The following ST3GAL4 variants were observed in gnomAD, a reference collection of about 807,000 sequenced individuals.
ST3GAL4 encodes CMP-N-acetylneuraminate-beta-galactosamide-alpha-2,3-sialyltransferase 4.
ST3GAL4 carries 24 observed loss-of-function variants against 42.6 expected under a neutral mutation model. That is an observed-to-expected ratio of 0.56 (90% CI 0.41 to 0.79). The LOEUF (loss-of-function observed/expected upper bound fraction) is 0.79. Among genes scored for constraint, ST3GAL4 ranks in the 30% least tolerant of loss-of-function variants. The pLI, the probability that ST3GAL4 is intolerant of heterozygous loss-of-function variation, is 0.00. For synonymous variants in ST3GAL4, 135 were observed against 163.2 expected, an observed-to-expected ratio of 0.83 and a Z score of 1.32; for missense variants, 311 against 430.8, an observed-to-expected ratio of 0.72 and a Z score of 2.46.
At position 126,392,862 on chromosome 11, in the gene ST3GAL4, G is replaced by A. The variant is rs940480814; in HGVS notation, c.-60-13234G>A. Among the ~76,000 whole-genome samples the A allele has an allele frequency of 6.6e-5, 10 of 152,240 alleles. No homozygotes were observed. Among genetic ancestry groups the A allele is most frequent in the African/African-American group, 2.4e-4 (10 of 41,530 alleles). On this transcript the variant is annotated intron_variant, in intron 1 of 10. Transcript: ENST00000444328. The surrounding 1 kb of genome is among the most constrained non-coding windows in gnomAD (Gnocchi z 5.8). ...CTGAACCCCATGCAGGGAGGAAACT[G>A]TGGCTGGGAGGAGAGGAGGCCGGAA...
chr11:126,390,666 T>C (rs1319488451), intron 1 of ST3GAL4, among the ~76,000 whole-genome samples: 1 of 151,006 alleles, frequency 6.6e-6, no homozygotes, highest in Non-Finnish European at 1.5e-5. Context: ...GTGGTTGTTA[T>C]GGTAAAATGC....
chr11:126,375,963 C>A (rs145976462), intron 1 of ST3GAL4, among the ~76,000 whole-genome samples: 5 of 142,666 alleles, frequency 3.5e-5, no homozygotes, highest in South Asian at 2.2e-4. Flanking sequence ...GTTGTTAATT[C>A]GCCATGCAAT....
rs565410017 is a variant in ST3GAL4, at chr11:126,359,297, TAA to T, written c.-61+3468_-61+3469del. Among the ~76,000 whole-genome samples, 3 of 141,274 alleles carry T rather than the reference TAA, an allele frequency of 2.1e-5. No homozygotes were observed. The highest frequency in any genetic ancestry group is 7.0e-5 in the Admixed American group (1 of 14,206). 92.7% of individuals were successfully genotyped at this position (141,274 alleles called of 152,430 possible). A position where few individuals can be genotyped will look rare whatever the true frequency, so the allele number is the denominator to read the frequency against. ...TATTAAAAGCCTGGCCCAATAAACT[TAA>T]AAAAAAAAAAAAGATGTGCTAGACA... On this transcript the variant is annotated intron_variant, in intron 1 of 10. Coordinates refer to ENST00000444328, the MANE Select transcript of ST3GAL4 (RefSeq NM_001254757.2). The surrounding 1 kb of genome is among the most constrained non-coding windows in gnomAD (Gnocchi z 4.8).
In ST3GAL4 at chr11:126,379,927, A is replaced by G. The variant is rs117622956; in HGVS notation, c.-61+24085A>G. Reference sequence around the variant, plus strand: ...ACTGAAACTGGTGTAGTGTCTTTCAATGGGGCTCAAGGGCAGTTGTTCTCT... The same window carrying G: ...ACTGAAACTGGTGTAGTGTCTTTCAGTGGGGCTCAAGGGCAGTTGTTCTCT... On this transcript the variant is annotated intron_variant, in intron 1 of 10. Coordinates refer to ENST00000444328, the MANE Select transcript of ST3GAL4 (RefSeq NM_001254757.2). This position sits in a 1 kb window ranked among gnomAD's most constrained non-coding sequence, Gnocchi z 4.2. Among the ~76,000 whole-genome samples, 3,611 of 152,208 alleles carry G rather than the reference A, an allele frequency of 0.024. 65 individuals are homozygous for G. The highest frequency in any genetic ancestry group is 0.037 in the Non-Finnish European group (2,529 of 68,012).
rs1953885631 is a variant in ST3GAL4 at position 126,398,850 on chromosome 11, C to T, written c.-60-7246C>T. On this transcript the variant is annotated intron_variant, in intron 1 of 10. Transcript: ENST00000444328. The surrounding 1 kb of genome is among the most constrained non-coding windows in gnomAD (Gnocchi z 4.7). ...CAAGCTGCACCTGGGCCCATTTAAGCCATGGCTGGGGAGGCAGAGGAGCAC... is the reference window on the plus strand; with the variant it reads ...CAAGCTGCACCTGGGCCCATTTAAGTCATGGCTGGGGAGGCAGAGGAGCAC... Among the ~76,000 whole-genome samples, 1 of 152,152 alleles carries T rather than the reference C, an allele frequency of 6.6e-6. No individual in the cohort carries two copies. Among genetic ancestry groups the T allele is most frequent in the Non-Finnish European group, 1.5e-5 (1 of 68,038 alleles).
At position 126,406,030 on chromosome 11, in the gene ST3GAL4, C is replaced by T. The variant is rs115057909; in HGVS notation, c.-60-66C>T. ...GGGAGGGGCAGACAGTGGGTGTGTC[C>T]TGCTCCAGTGTCTAGGCAGGAGAGT... On this transcript the variant is annotated intron_variant, in intron 1 of 10. Coordinates refer to ENST00000444328, the MANE Select transcript of ST3GAL4 (RefSeq NM_001254757.2). The surrounding 1 kb of genome is among the most constrained non-coding windows in gnomAD (Gnocchi z 5.4). 1.7e-3 allele frequency: 2,602 copies of T among 1,535,884 alleles called. 39 individuals carry two copies. The African/African-American group carries it at 0.032, about 19-fold the overall frequency.
intron 1 of ST3GAL4, among the ~76,000 whole-genome samples, chr11:126,357,791 T>C (rs1952118835): frequency 6.6e-6 from 1 of 152,234 alleles, no homozygotes; most frequent in Non-Finnish European, 1.5e-5. Flanking sequence ...ACCCCAGGTC[T>C]GACTTGGGCA....
chr11:126,407,131 G>A, intron 4 of ST3GAL4, 108 bp downstream of exon 4: 2 of 1,465,990 alleles, frequency 1.4e-6, no homozygotes, highest in Non-Finnish European at 1.9e-6. Context: ...TGGTGGACAT[G>A]GGTTAGGTGA....
intron 1 of ST3GAL4, among the ~76,000 whole-genome samples, chr11:126,377,724 T>C (rs944944776): frequency 6.7e-6 from 1 of 149,716 alleles, no homozygotes; most frequent in East Asian, 2.0e-4. Flanking sequence ...GATCCACCTC[T>C]CTCAGCCTCC....
intron 1 of ST3GAL4, among the ~76,000 whole-genome samples, chr11:126,380,721 C>T (rs139025240): frequency 5.9e-5 from 9 of 152,168 alleles, no homozygotes; most frequent in Non-Finnish European, 1.2e-4. Context: ...CACTAGAGAC[C>T]TCCTCGGCAG....
chr11:126,398,170 T>C lies in ST3GAL4; in HGVS notation c.-60-7926T>C, dbSNP rs983276506. On this transcript the variant is annotated intron_variant, in intron 1 of 10. Coordinates refer to ENST00000444328, the MANE Select transcript of ST3GAL4 (RefSeq NM_001254757.2). The surrounding 1 kb of genome is among the most constrained non-coding windows in gnomAD (Gnocchi z 4.7). ...AAGGTATGGTTCATCCTGAATCAAA[T>C]TCCCCTCCAGTCATGGGCTGTGAAA... Among the ~76,000 whole-genome samples, 5 of 152,232 alleles carry C rather than the reference T, an allele frequency of 3.3e-5. No individual in the cohort carries two copies. The highest frequency in any genetic ancestry group is 5.9e-5 in the Non-Finnish European group (4 of 68,040).
chr11:126,371,150 C>CTA (rs1274064099), intron 1 of ST3GAL4, among the ~76,000 whole-genome samples: 1 of 81,370 alleles, frequency 1.2e-5, no homozygotes, highest in African/African-American at 4.6e-5. Context: ...CTATTCTATT[C>CTA]TTCCCCACAT....
In ST3GAL4 at chr11:126,411,585, G is replaced by A. The variant is rs1954528285; in HGVS notation, c.772-1920G>A. Reference sequence around the variant, plus strand: ...GGTGTCACAAGGCTGGACTCGGTGTGTCAACCAGACAGTTCTCATCTGGAA... The same window carrying A: ...GGTGTCACAAGGCTGGACTCGGTGTATCAACCAGACAGTTCTCATCTGGAA... On this transcript the variant is annotated intron_variant, in intron 9 of 10. Coordinates refer to ENST00000444328, the MANE Select transcript of ST3GAL4 (RefSeq NM_001254757.2). This position sits in a 1 kb window ranked among gnomAD's most constrained non-coding sequence, Gnocchi z 6.3. Among the ~76,000 whole-genome samples, 1 of 152,184 alleles carries A rather than the reference G, an allele frequency of 6.6e-6. No homozygotes were observed. The highest frequency in any genetic ancestry group is 2.1e-4 in the South Asian group (1 of 4,828).
At chr11:126,370,167 C>T (rs1000200569) in intron 1 of ST3GAL4, among the ~76,000 whole-genome samples, 3 of 152,184 alleles carry the variant, frequency 2.0e-5, no homozygotes, top group Non-Finnish European at 4.4e-5. Context: ...GCTTCTGGCA[C>T]GGAAGCCCCG....
intron 1 of ST3GAL4, among the ~76,000 whole-genome samples, chr11:126,382,579 C>T (rs1162293817): frequency 2.6e-5 from 4 of 152,080 alleles, no homozygotes; most frequent in East Asian, 1.9e-4. Flanking sequence ...CCTTAGATTA[C>T]GCAGGGCTTG....
Position 126,406,678 on chromosome 11 carries a change from A to C in ST3GAL4, c.101+121A>C. ...GTTCCAAGAGCCGGCACATGACCTC[A>C]TCCCTTCAGCTGCTGGTACGGAGTG... is the stretch of plus-strand genomic sequence containing the variant. On this transcript the variant is annotated intron_variant, in intron 3 of 10. Coordinates refer to ENST00000444328, the MANE Select transcript of ST3GAL4 (RefSeq NM_001254757.2). This position sits in a 1 kb window ranked among gnomAD's most constrained non-coding sequence, Gnocchi z 5.4. 6 of 1,322,892 alleles carry C rather than the reference A, an allele frequency of 4.5e-6. No homozygotes were observed. The highest frequency in any genetic ancestry group is 6.2e-6 in the Non-Finnish European group (6 of 960,452). 81.9% of individuals were successfully genotyped at this position (1,322,892 alleles called of 1,614,324 possible). A position where few individuals can be genotyped will look rare whatever the true frequency, so the allele number is the denominator to read the frequency against.
intron 1 of ST3GAL4, among the ~76,000 whole-genome samples, chr11:126,390,846 T>C (rs2135481531): frequency 8.6e-6 from 1 of 116,218 alleles, no homozygotes; most frequent in South Asian, 2.7e-4. Context: ...ACTCCTCATT[T>C]CCGCCTCCCC....
intron 1 of ST3GAL4, among the ~76,000 whole-genome samples, chr11:126,377,465 C>G (rs1952864056): frequency 1.3e-5 from 2 of 148,540 alleles, no homozygotes; most frequent in African/African-American, 5.0e-5. Flanking sequence ...GCCACCGTGC[C>G]TGGCCAACAC....
intron 1 of ST3GAL4, among the ~76,000 whole-genome samples, chr11:126,388,660 GTTTT>G (rs10599019): frequency 2.5e-5 from 2 of 79,286 alleles, no homozygotes; most frequent in Admixed American, 2.6e-4. Flanking sequence ...TAGGTTTCTT[GTTTT>G]TTTTTTTTTT....
Sources: allele counts gnomAD v4.1 joint callset (sites outside exome capture counted in the v4.1 genomes callset), GRCh38; gene constraint gnomAD v4.1.1; non-coding constraint Gnocchi (gnomAD v3.1); transcripts MANE v1.5; gene names NCBI Gene and HGNC (gene_info 2026-07-23, HGNC 2026-07-21).